KAZN: variants seen among roughly 807,000 people sequenced by gnomAD.
KAZN encodes the protein kazrin.
KAZN carries 40 observed loss-of-function variants against 87.4 expected under a neutral mutation model. The observed-to-expected ratio is 0.46, with a 90% CI of 0.36 to 0.60. The LOEUF (loss-of-function observed/expected upper bound fraction) is 0.60, where lower values mean the gene tolerates loss of function less well. KAZN is among the 20% of genes least tolerant of loss of function. KAZN has a pLI of 0.00. For synonymous variants in KAZN, 466 were observed against 458.3 expected (o/e 1.02, Z -0.22); for missense variants, 898 against 1,073.9 (o/e 0.84, Z 2.29).
intron 1 of KAZN, among the ~76,000 whole-genome samples, chr1:14,689,983 A>G (rs1641186908): frequency 6.6e-6 from 1 of 152,164 alleles, no homozygotes; most frequent in African/African-American, 2.4e-5. Context: ...TCTCTGTGGG[A>G]ATCAGTCACG....
At chr1:14,714,146 G>A (rs985622925) in intron 1 of KAZN, among the ~76,000 whole-genome samples, 1 of 152,132 alleles carries the variant, frequency 6.6e-6, no homozygotes, top group Non-Finnish European at 1.5e-5. Context: ...TTTGGGTGCA[G>A]GTCCCTGCAG....
intron 2 of KAZN, among the ~76,000 whole-genome samples, chr1:14,982,390 C>T (rs1464496163): frequency 3.4e-5 from 5 of 147,600 alleles, no homozygotes; most frequent in African/African-American, 1.3e-4. Context: ...TCCCTCTGAA[C>T]TGGGGCCGCT....
chr1:13,961,954 T>C (rs1180396716), intron 1 of KAZN, among the ~76,000 whole-genome samples: 1 of 152,216 alleles, frequency 6.6e-6, no homozygotes, highest in East Asian at 1.9e-4. Flanking sequence ...TTTGCACCTG[T>C]TCCCTTTGCC....
At chr1:13,929,496 T>G (rs1640425780) in intron 1 of KAZN, among the ~76,000 whole-genome samples, 1 of 152,118 alleles carries the variant, frequency 6.6e-6, no homozygotes, top group Non-Finnish European at 1.5e-5. Flanking sequence ...GACACCTTCT[T>G]TATGGGCAGA....
At chr1:14,494,523 C>T (rs1265921920) in intron 2 of KAZN, among the ~76,000 whole-genome samples, 1 of 152,174 alleles carries the variant, frequency 6.6e-6, no homozygotes, top group Non-Finnish European at 1.5e-5. Flanking sequence ...ATTTGGGTGT[C>T]ATGCCAATCC....
chr1:15,050,956 A>T lies in KAZN; in HGVS notation c.727-5135A>T, dbSNP rs151306815. Among the ~76,000 whole-genome samples, 15 of 152,292 alleles carry T rather than the reference A, an allele frequency of 9.8e-5. No individual in the cohort carries two copies. In the East Asian group the frequency reaches 2.9e-3, roughly 29 times the overall value. Reference sequence around the variant, plus strand: ...CCCGTACCCCTGAGATCTGTGAAAGAGGGTCCCAGCCGGCTTCCCCCCAAG... The same window carrying T: ...CCCGTACCCCTGAGATCTGTGAAAGTGGGTCCCAGCCGGCTTCCCCCCAAG... On this transcript the variant is annotated intron_variant, in intron 4 of 14. Transcript: ENST00000376030.
chr1:14,576,464 A>AATGG (rs924859427), intron 2 of KAZN, among the ~76,000 whole-genome samples: 4 of 150,566 alleles, frequency 2.7e-5, no homozygotes, highest in South Asian at 2.1e-4. Flanking sequence ...TGGATATATT[A>AATGG]ATGGATGGAT....
chr1:14,126,582 C>T (rs1278682683), intron 1 of KAZN, among the ~76,000 whole-genome samples: 1 of 151,924 alleles, frequency 6.6e-6, no homozygotes, highest in African/African-American at 2.4e-5. Flanking sequence ...GACCTAATGA[C>T]AGACATGGCA....
intron 1 of KAZN, among the ~76,000 whole-genome samples, chr1:13,979,930 C>CAAA (rs142839854): frequency 7.0e-5 from 7 of 100,448 alleles, no homozygotes; most frequent in Admixed American, 1.1e-4. Flanking sequence ...GACTCCGTCT[C>CAAA]AAAAAAAAAA....
intron 1 of KAZN, among the ~76,000 whole-genome samples, chr1:14,700,407 G>A (rs954318394): frequency 6.6e-6 from 1 of 151,840 alleles, no homozygotes; most frequent in Non-Finnish European, 1.5e-5. Context: ...GGAGGTGGAG[G>A]TTGCAGTGAG....
rs1277927289 is a variant in KAZN at position 15,112,517 on chromosome 1, C to T, written c.2139C>T (p.Ser713=). 2.5e-6 allele frequency: 4 copies of T among 1,605,158 alleles called. No homozygotes were observed. Among genetic ancestry groups the T allele is most frequent in the South Asian group, 1.1e-5 (1 of 89,024 alleles). The change falls in exon 14 of 15, where the codon AGC becomes AGT. Residue 713 remains serine, a synonymous_variant. Transcript: ENST00000376030. ...GGGCAGGAAAGGAGGAGAACAGCAG[C>T]GGTCTCAAGTACAAGGCTGGCCGGG... ...VTRAGKEENS[S]GLKYKAGRLP...
intron 2 of KAZN, among the ~76,000 whole-genome samples, chr1:14,549,619 T>TC (rs1037201993): frequency 6.6e-6 from 1 of 151,534 alleles, no homozygotes; most frequent in Non-Finnish European, 1.5e-5. Context: ...ACCCCTTTTT[T>TC]TTTTTTTTTA....
intron 2 of KAZN, among the ~76,000 whole-genome samples, chr1:14,561,877 C>A (rs1361911872): frequency 1.3e-5 from 2 of 151,396 alleles, no homozygotes; most frequent in East Asian, 1.9e-4. Context: ...GCACTCCAGC[C>A]TTCATGAAAG....
chr1:14,852,208 G>A (rs1040868510), intron 1 of KAZN, among the ~76,000 whole-genome samples: 15 of 152,276 alleles, frequency 9.9e-5, no homozygotes, highest in African/African-American at 2.4e-4. Context: ...AACTGGACCC[G>A]GCACTGGACA....
At chr1:14,960,365 G>C (rs1663692581) in intron 1 of KAZN, among the ~76,000 whole-genome samples, 1 of 152,224 alleles carries the variant, frequency 6.6e-6, no homozygotes. Flanking sequence ...TCAGCATGCT[G>C]TTGGCTCATG....
At chr1:14,157,892 G>A (rs531460935) in intron 1 of KAZN, among the ~76,000 whole-genome samples, 56 of 152,278 alleles carry the variant, frequency 3.7e-4, no homozygotes, top group African/African-American at 1.3e-3. Context: ...AGAAGAGAAA[G>A]CGAAGGGGAA....
intron 1 of KAZN, among the ~76,000 whole-genome samples, chr1:14,034,762 C>T (rs1350201000): frequency 6.6e-6 from 1 of 152,154 alleles, no homozygotes; most frequent in Non-Finnish European, 1.5e-5. Context: ...ATGCAAAGCA[C>T]CATCAATCCA....
chr1:14,069,890 G>A (rs759342149), intron 1 of KAZN, among the ~76,000 whole-genome samples: 6 of 152,024 alleles, frequency 3.9e-5, no homozygotes, highest in Admixed American at 6.5e-5. Context: ...GAGGGAGGAG[G>A]CTGGGTGCGG....
At chr1:14,915,552 G>A (rs1657713891) in intron 1 of KAZN, among the ~76,000 whole-genome samples, 1 of 152,164 alleles carries the variant, frequency 6.6e-6, no homozygotes. Flanking sequence ...GGCAGCAGAG[G>A]ACACATCCTG....
Sources: allele counts gnomAD v4.1 joint callset (sites outside exome capture counted in the v4.1 genomes callset), GRCh38; gene constraint gnomAD v4.1.1; transcripts MANE v1.5; gene names NCBI Gene and HGNC (gene_info 2026-07-23, HGNC 2026-07-21).